Variants in MAPK4 observed in about 807,000 individuals in gnomAD.
MAPK4 encodes mitogen-activated protein kinase 4, also known as Erk3-related.
A neutral mutation model predicts 47.7 loss-of-function variants in MAPK4; 22 were observed. The observed-to-expected ratio is 0.46, with a 90% confidence interval of 0.33 to 0.66. The LOEUF (loss-of-function observed/expected upper bound fraction) is 0.66. Among genes scored for constraint, MAPK4 ranks in the 30% least tolerant of loss-of-function variants. MAPK4 has a pLI of 0.02. For missense variants in MAPK4, 736 were observed against 831.7 expected, an observed-to-expected ratio of 0.88 and a Z score of 1.42; for synonymous variants, 390 against 365.7, an observed-to-expected ratio of 1.07 and a Z score of -0.76.
chr18:50,636,384 C>A (rs79560099), intron 1 of MAPK4, among the ~76,000 whole-genome samples: 1 of 152,202 alleles, frequency 6.6e-6, no homozygotes, highest in Non-Finnish European at 1.5e-5. Flanking sequence ...TCCCCAGTTC[C>A]GAGCAAAGGG....
intron 1 of MAPK4, among the ~76,000 whole-genome samples, chr18:50,566,173 C>G (rs111257625): frequency 4.3e-4 from 65 of 152,320 alleles, no homozygotes; most frequent in African/African-American, 1.6e-3. Flanking sequence ...AAGAAACACT[C>G]TACATGAAGA....
chr18:50,729,131 A>G lies in MAPK4; in HGVS notation c.1068-27A>G, dbSNP rs544797821. Reference sequence around the variant, plus strand: ...GGAAGCTACCTGGCTTGGGCATCCAATCACCGCTCTGTTTGTACCCTTGCA... The same window carrying G: ...GGAAGCTACCTGGCTTGGGCATCCAGTCACCGCTCTGTTTGTACCCTTGCA... On this transcript the variant is annotated intron_variant, in intron 5 of 5. Coordinates refer to ENST00000400384, the MANE Select transcript of MAPK4 (RefSeq NM_002747.4). 33 of 1,519,894 alleles carry G rather than the reference A, an allele frequency of 2.2e-5. No individual in the cohort carries two copies. In the Admixed American group the frequency reaches 4.6e-4, roughly 21 times the overall value. The allele number at this position is 1,519,894 out of a possible 1,614,324, so 94.2% of individuals were successfully genotyped here.
intron 1 of MAPK4, among the ~76,000 whole-genome samples, chr18:50,601,378 G>T (rs527480133): frequency 6.0e-4 from 88 of 147,246 alleles, no homozygotes; most frequent in African/African-American, 2.1e-3. Context: ...GCCGTTGATT[G>T]ATCTGTTTTG....
intron 1 of MAPK4, among the ~76,000 whole-genome samples, chr18:50,633,255 T>C (rs1451381795): frequency 1.3e-5 from 2 of 152,196 alleles, no homozygotes; most frequent in Non-Finnish European, 2.9e-5. Flanking sequence ...GGGGAATCCC[T>C]TTTGCTGGAA....
chr18:50,672,368 T>G (rs1345080410), intron 2 of MAPK4, among the ~76,000 whole-genome samples: 1 of 152,208 alleles, frequency 6.6e-6, no homozygotes, highest in Non-Finnish European at 1.5e-5. Context: ...CTGAAAAGAT[T>G]TATTTAAAAG....
chr18:50,619,953 C>CA (rs1204100717), intron 1 of MAPK4, among the ~76,000 whole-genome samples: 1 of 152,230 alleles, frequency 6.6e-6, no homozygotes, highest in Admixed American at 6.5e-5. Context: ...ACAGAGCTGC[C>CA]AGCCATGAAA....
chr18:50,690,338 T>C (rs1208733843), intron 2 of MAPK4, among the ~76,000 whole-genome samples: 1 of 152,224 alleles, frequency 6.6e-6, no homozygotes, highest in Non-Finnish European at 1.5e-5. Flanking sequence ...CTCTTTCAGA[T>C]CCAGGTGTGA....
intron 1 of MAPK4, among the ~76,000 whole-genome samples, chr18:50,595,755 A>G (rs933333515): frequency 6.6e-6 from 1 of 152,238 alleles, no homozygotes; most frequent in Non-Finnish European, 1.5e-5. Flanking sequence ...CAGTGACTAC[A>G]GTAGTTTTTT....
chr18:50,587,284 G>A (rs910012988), intron 1 of MAPK4, among the ~76,000 whole-genome samples: 20 of 152,162 alleles, frequency 1.3e-4, no homozygotes, highest in East Asian at 1.9e-4. Flanking sequence ...GCTTGTTTGC[G>A]CCTTCCACTG....
chr18:50,642,788 T>C (rs1480824797), intron 1 of MAPK4, among the ~76,000 whole-genome samples: 1 of 152,166 alleles, frequency 6.6e-6, no homozygotes, highest in Non-Finnish European at 1.5e-5. Context: ...GGGACGCCAG[T>C]GTCACCAAAG....
At chr18:50,721,516 A>G (rs759604638) in intron 3 of MAPK4, among the ~76,000 whole-genome samples, 2 of 152,200 alleles carry the variant, frequency 1.3e-5, no homozygotes, top group Non-Finnish European at 2.9e-5. Flanking sequence ...CCTCTTAATT[A>G]GAAACCAAAA....
At position 50,695,761 on chromosome 18, in the gene MAPK4, A is replaced by T. The variant is rs1338205460; in HGVS notation, c.547-19318A>T. Among the ~76,000 whole-genome samples, 3 of 152,228 alleles carry T rather than the reference A, an allele frequency of 2.0e-5. No homozygotes were observed. The East Asian group carries it at 5.8e-4, about 29-fold the overall frequency. ...GGCTGCAGGATTTGGACAAAATATA[A>T]CAAGCAAGAGGAAACCATCAAAGTC... On this transcript the variant is annotated intron_variant, in intron 2 of 5. Coordinates refer to ENST00000400384, the MANE Select transcript of MAPK4 (RefSeq NM_002747.4).
chr18:50,676,535 T>C (rs1908281901), intron 2 of MAPK4, among the ~76,000 whole-genome samples: 1 of 152,226 alleles, frequency 6.6e-6, no homozygotes, highest in Admixed American at 6.5e-5. Flanking sequence ...TCTATCTCAA[T>C]ACAATTTGAA....
intron 2 of MAPK4, among the ~76,000 whole-genome samples, chr18:50,666,244 G>C (rs1028845832): frequency 6.6e-6 from 1 of 152,206 alleles, no homozygotes; most frequent in African/African-American, 2.4e-5. Flanking sequence ...GTGACATGGT[G>C]TGAGCAAAGG....
chr18:50,720,273 A>G (rs905369931), intron 3 of MAPK4, among the ~76,000 whole-genome samples: 1 of 152,190 alleles, frequency 6.6e-6, no homozygotes, highest in Non-Finnish European at 1.5e-5. Context: ...CCCCACTCCT[A>G]GAAGCAAAGG....
intron 3 of MAPK4, 80 bp from the exon 4 acceptor site, chr18:50,721,858 A>G: frequency 6.9e-7 from 1 of 1,458,582 alleles, no homozygotes; most frequent in South Asian, 1.2e-5. Flanking sequence ...CCCTCCCAGA[A>G]CACCTGGCAC....
intron 1 of MAPK4, among the ~76,000 whole-genome samples, chr18:50,580,717 G>A (rs2042335969): frequency 6.6e-6 from 1 of 152,108 alleles, no homozygotes; most frequent in Non-Finnish European, 1.5e-5. Flanking sequence ...TTTACTGTTG[G>A]CCCTGCTCCG....
intron 5 of MAPK4, among the ~76,000 whole-genome samples, chr18:50,727,648 T>C (rs534905125): frequency 1.3e-5 from 2 of 152,230 alleles, no homozygotes; most frequent in South Asian, 2.1e-4. Flanking sequence ...GACTGTGGCA[T>C]AGGGTTGTGC....
At chr18:50,655,513 C>T (rs912252527) in intron 1 of MAPK4, among the ~76,000 whole-genome samples, 1 of 152,162 alleles carries the variant, frequency 6.6e-6, no homozygotes, top group African/African-American at 2.4e-5. Context: ...AGTTCCTGAG[C>T]ATGCACAGGT....
Sources: gnomAD v4.1 joint callset for allele counts (sites outside exome capture counted in the v4.1 genomes callset) on GRCh38, gnomAD v4.1.1 for gene constraint, MANE v1.5 for transcripts, NCBI Gene and HGNC (gene_info 2026-07-23, HGNC 2026-07-21) for gene names.